ASTN1: variants seen among roughly 807,000 people sequenced by gnomAD.
ASTN1 encodes astrotactin-1.
In ASTN1, 41 loss-of-function variants were observed where a neutral mutation model predicts 140.7. The observed-to-expected ratio is 0.29, with a 90% CI of 0.23 to 0.38. ASTN1 has a LOEUF of 0.38. ASTN1 is among the 10% of genes least tolerant of loss of function. The probability of loss-of-function intolerance (pLI) is 1.00; values close to 1 mark genes in which losing one functional copy is unlikely to be tolerated. For missense variants in ASTN1, 1,479 were observed against 1,678.8 expected (o/e 0.88, Z 2.08); for synonymous variants, 640 against 652.2 (o/e 0.98, Z 0.29).
chr1:177,144,567 T>C (rs1323880787), intron 1 of ASTN1, among the ~76,000 whole-genome samples: 1 of 148,184 alleles, frequency 6.7e-6, no homozygotes, highest in African/African-American at 2.5e-5. Flanking sequence ...ACTCAATGAT[T>C]TTAAGTTATC....
intron 16 of ASTN1, among the ~76,000 whole-genome samples, chr1:176,927,317 C>A (rs1176825278): frequency 2.0e-5 from 3 of 152,106 alleles, no homozygotes; most frequent in Non-Finnish European, 1.5e-5. Flanking sequence ...ACCCAGATAA[C>A]CCCGCTGATA....
intron 8 of ASTN1, among the ~76,000 whole-genome samples, chr1:176,973,459 C>T (rs1673230170): frequency 2.0e-5 from 3 of 152,168 alleles, no homozygotes. Context: ...GACCCTGTGG[C>T]TCCATTTCTG....
intron 2 of ASTN1, among the ~76,000 whole-genome samples, chr1:177,043,780 C>T (rs1677084034): frequency 6.6e-6 from 1 of 152,200 alleles, no homozygotes; most frequent in Admixed American, 6.5e-5. Context: ...ATTAGAGCAT[C>T]ATATGCCAAT....
chr1:176,950,342 G>C (rs1004896858), intron 11 of ASTN1, among the ~76,000 whole-genome samples: 5 of 152,148 alleles, frequency 3.3e-5, no homozygotes, highest in African/African-American at 1.2e-4. Context: ...GCAGAACCAT[G>C]CTTGAACCCT....
rs921044681 is a variant in ASTN1, at chr1:177,133,477, A to G, written c.283+30917T>C. On this transcript the variant is annotated intron_variant, in intron 1 of 22. Coordinates refer to ENST00000361833, the MANE Select transcript of ASTN1 (RefSeq NM_004319.3). ...TGTGCCATGTAAGCATGAATGCCCC[A>G]TAATCCCAAACTCATCAAGCCTTTC... Among the ~76,000 whole-genome samples the G allele has an allele frequency of 3.3e-4, 50 of 152,210 alleles. 1 individual carries two copies. The highest frequency in any genetic ancestry group is 5.1e-4 in the Non-Finnish European group (35 of 68,034).
Position 176,864,053 on chromosome 1 carries a change from A to C in ASTN1, c.*231T>G. ...CAAACCCCAAAGTAATCCTCTAAAG[A>C]AATATGGCACTGCATGAAGCCACTG... On this transcript the variant is annotated 3_prime_UTR_variant, in exon 23 of 23. Coordinates refer to ENST00000361833, the MANE Select transcript of ASTN1 (RefSeq NM_004319.3). 3.0e-6 allele frequency: 4 copies of C among 1,352,146 alleles called. No individual in the cohort carries two copies. In the Admixed American group the frequency reaches 1.4e-4, roughly 46 times the overall value. The allele number at this position is 1,352,146 out of a possible 1,614,324, so 83.8% of individuals were successfully genotyped here. A position where few individuals can be genotyped will look rare whatever the true frequency, so the allele number is the denominator to read the frequency against.
intron 1 of ASTN1, among the ~76,000 whole-genome samples, chr1:177,070,308 T>C (rs935164399): frequency 6.6e-6 from 1 of 152,236 alleles, no homozygotes; most frequent in Non-Finnish European, 1.5e-5. Flanking sequence ...CCAAATCCTC[T>C]GTCTTATACT....
chr1:177,049,621 T>C (rs1395428202), intron 2 of ASTN1, among the ~76,000 whole-genome samples: 1 of 152,174 alleles, frequency 6.6e-6, no homozygotes, highest in Non-Finnish European at 1.5e-5. Flanking sequence ...AATCAAAGCT[T>C]CCTGACTTCA....
chr1:177,032,021 T>G (rs1009845865), intron 3 of ASTN1, among the ~76,000 whole-genome samples: 3 of 152,150 alleles, frequency 2.0e-5, no homozygotes, highest in African/African-American at 7.2e-5. Context: ...GGCCCAATTC[T>G]CAGGAGTCAT....
At chr1:177,084,954 G>A (rs1021969871) in intron 1 of ASTN1, among the ~76,000 whole-genome samples, 5 of 152,106 alleles carry the variant, frequency 3.3e-5, no homozygotes, top group African/African-American at 9.7e-5. Flanking sequence ...GGGCATTGGC[G>A]TAAGATACTG....
intron 1 of ASTN1, among the ~76,000 whole-genome samples, chr1:177,079,784 C>T (rs1490375506): frequency 6.6e-6 from 1 of 152,100 alleles, no homozygotes; most frequent in African/African-American, 2.4e-5. Context: ...GAAAAGATAA[C>T]AAAAGCTCAG....
chr1:177,063,668 C>A (rs1286841058), intron 1 of ASTN1, among the ~76,000 whole-genome samples: 1 of 152,110 alleles, frequency 6.6e-6, no homozygotes, highest in African/African-American at 2.4e-5. Context: ...GGGCGCTTAT[C>A]CTTCCAACCA....
chr1:176,871,382 T>A (rs1017471865), intron 21 of ASTN1, among the ~76,000 whole-genome samples: 4 of 152,284 alleles, frequency 2.6e-5, no homozygotes, highest in East Asian at 3.9e-4. Flanking sequence ...CCTGCACTGG[T>A]GCCAATCTGT....
chr1:177,036,045 T>C (rs1676700980), intron 2 of ASTN1, among the ~76,000 whole-genome samples: 1 of 140,562 alleles, frequency 7.1e-6, no homozygotes, highest in African/African-American at 2.7e-5. Context: ...TCTTTTTTTT[T>C]TTTTTTTTTT....
chr1:176,918,914 C>A (rs1389119957), intron 16 of ASTN1, among the ~76,000 whole-genome samples: 6 of 152,182 alleles, frequency 3.9e-5, no homozygotes, highest in Non-Finnish European at 8.8e-5. Context: ...CCAGCCTTCT[C>A]CACCACAGGT....
chr1:177,101,409 C>T (rs1366559055), intron 1 of ASTN1, among the ~76,000 whole-genome samples: 1 of 152,152 alleles, frequency 6.6e-6, no homozygotes, highest in Non-Finnish European at 1.5e-5. Flanking sequence ...ATAACATGAA[C>T]AAAATTTCAT....
chr1:176,883,096 G>C (rs78974375), intron 19 of ASTN1, 102 bp from the exon 20 acceptor site: 7 of 1,487,758 alleles, frequency 4.7e-6, no homozygotes, highest in Admixed American at 3.5e-5. Flanking sequence ...ACAATGATTT[G>C]GTCCTCAATC....
intron 21 of ASTN1, among the ~76,000 whole-genome samples, chr1:176,873,691 C>A (rs1668444579): frequency 6.6e-6 from 1 of 152,156 alleles, no homozygotes; most frequent in African/African-American, 2.4e-5. Flanking sequence ...TAGTCTAAGT[C>A]ATTAATTCTG....
At chr1:176,876,467 T>C (rs947943069) in intron 21 of ASTN1, 70 bp downstream of exon 21, 3 of 1,516,490 alleles carry the variant, frequency 2.0e-6, no homozygotes, top group African/African-American at 2.7e-5. Flanking sequence ...TTGGTCCTTC[T>C]GTCCTCATAG....
Sources: allele counts gnomAD v4.1 joint callset (sites outside exome capture counted in the v4.1 genomes callset), GRCh38; gene constraint gnomAD v4.1.1; transcripts MANE v1.5; gene names NCBI Gene and HGNC (gene_info 2026-07-23, HGNC 2026-07-21).